PDIA6: variants seen among roughly 807,000 people sequenced by gnomAD.
The protein encoded by PDIA6 is protein disulfide-isomerase A6.
A neutral mutation model predicts 58.4 loss-of-function variants in PDIA6; 29 were observed. That is an observed-to-expected ratio of 0.50 (90% CI 0.37 to 0.68). The LOEUF is 0.68. Among genes scored for constraint, PDIA6 ranks in the 30% least tolerant of loss-of-function variants. The pLI, the probability that PDIA6 is intolerant of heterozygous loss-of-function variation, is 0.00. For synonymous variants in PDIA6, 192 were observed against 202.6 expected (o/e 0.95, Z 0.44); for missense variants, 480 against 551.0 (o/e 0.87, Z 1.29).
At chr2:10,793,280 C>CT in intron 4 of PDIA6, 78 bp from the exon 5 acceptor site, 1 of 894,926 alleles carries the variant, frequency 1.1e-6, no homozygotes, top group Non-Finnish European at 1.9e-6. Flanking sequence ...AAGACTGTGT[C>CT]TTTACCTCAC....
At chr2:10,830,132 C>T (rs760588119) in intron 1 of PDIA6, among the ~76,000 whole-genome samples, 4 of 152,236 alleles carry the variant, frequency 2.6e-5, no homozygotes, top group Non-Finnish European at 4.4e-5. Flanking sequence ...TCCTGCTCCA[C>T]ACTGCCTCCT....
intron 2 of PDIA6, among the ~76,000 whole-genome samples, chr2:10,798,492 C>G (rs947570465): frequency 6.7e-6 from 1 of 149,644 alleles, no homozygotes; most frequent in Non-Finnish European, 1.5e-5. Context: ...CGCTTGAACT[C>G]GGGAAACGGA....
In PDIA6 at chr2:10,783,425, A is replaced by G. The variant is rs932825437; in HGVS notation, c.*833T>C. 5.8e-6 allele frequency: 3 copies of G among 514,514 alleles called. No individual in the cohort carries two copies. Among genetic ancestry groups the G allele is most frequent in the African/African-American group, 3.9e-5 (2 of 51,192 alleles). 31.9% of individuals were successfully genotyped at this position (514,514 alleles called of 1,614,324 possible). ...GTTGTATTTATTTTTTTAAGTTACA[A>G]TAAAATGCTCTCAAGTCCTTTGAAT... is the stretch of plus-strand genomic sequence containing the variant. On this transcript the variant is annotated 3_prime_UTR_variant, in exon 13 of 13. Coordinates refer to ENST00000272227, the MANE Select transcript of PDIA6 (RefSeq NM_005742.4).
rs866405620 is a variant in PDIA6, at chr2:10,790,706, T to C, written c.699+13A>G. ...GTATTTCACAATGAAATGAGCCTTA[T>C]AAGTATACTCACCCCGTATCGGGAG... On this transcript the variant is annotated intron_variant, in intron 7 of 12. Coordinates refer to ENST00000272227, the MANE Select transcript of PDIA6 (RefSeq NM_005742.4). 1 of 1,567,232 alleles carries C rather than the reference T, an allele frequency of 6.4e-7. No individual in the cohort carries two copies. Among genetic ancestry groups the C allele is most frequent in the African/African-American group, 1.3e-5 (1 of 74,126 alleles).
chr2:10,822,406 G>T (rs953169730), intron 1 of PDIA6, among the ~76,000 whole-genome samples: 1 of 152,088 alleles, frequency 6.6e-6, no homozygotes, highest in Non-Finnish European at 1.5e-5. Flanking sequence ...GAGACTACAG[G>T]CGCCCGCCAC....
At chr2:10,796,166 G>A (rs1666258376) in intron 4 of PDIA6, among the ~76,000 whole-genome samples, 1 of 149,858 alleles carries the variant, frequency 6.7e-6, no homozygotes, top group African/African-American at 2.5e-5. Flanking sequence ...CCATTCTCCT[G>A]CCTCAGCCTC....
chr2:10,791,271 G>C (rs565452966), intron 6 of PDIA6, among the ~76,000 whole-genome samples: 1 of 151,480 alleles, frequency 6.6e-6, no homozygotes, highest in South Asian at 2.1e-4. Context: ...AACCTCCCAA[G>C]TAGCTGGGAC....
intron 2 of PDIA6, among the ~76,000 whole-genome samples, chr2:10,818,486 A>C (rs199629742): frequency 0.038 from 1,823 of 48,066 alleles, 53 homozygotes; most frequent in African/African-American, 0.13. Context: ...CATTTAATTT[A>C]TTTATTTATT....
At chr2:10,792,780 C>G (rs1222447559) in intron 5 of PDIA6, among the ~76,000 whole-genome samples, 1 of 152,172 alleles carries the variant, frequency 6.6e-6, no homozygotes, top group Non-Finnish European at 1.5e-5. Context: ...AGAGGAAAAC[C>G]CGTCCATCCC....
At chr2:10,820,871 T>TG in intron 1 of PDIA6, 1 of 702,874 alleles carries the variant, frequency 1.4e-6, no homozygotes, top group Non-Finnish European at 2.6e-6. Flanking sequence ...TCATGGATGC[T>TG]GGGGGTATCT....
chr2:10,809,638 C>A, intron 1 of PDIA6, among the ~76,000 whole-genome samples: 2 of 87,586 alleles, frequency 2.3e-5, no homozygotes, highest in African/African-American at 4.5e-5. Context: ...AGAGCAAGAC[C>A]CGGTCTCAAA....
chr2:10,812,582 G>T, intron 1 of PDIA6, 96 bp downstream of exon 1: 1 of 1,279,974 alleles, frequency 7.8e-7, no homozygotes. Context: ...ACTTCCGGCC[G>T]CCTGCGGCCG....
upstream of PDIA6, among the ~76,000 whole-genome samples, chr2:10,833,153 T>C (rs1200762943): frequency 2.0e-5 from 3 of 152,136 alleles, no homozygotes; most frequent in African/African-American, 4.8e-5. Flanking sequence ...AGGCTCTGTG[T>C]CAGGGACAGC....
upstream of PDIA6, among the ~76,000 whole-genome samples, chr2:10,835,458 C>T (rs548652423): frequency 1.1e-3 from 164 of 152,288 alleles, no homozygotes; most frequent in Admixed American, 1.1e-3. Context: ...GCCCAGTCCC[C>T]AGCCTGGAGG....
At chr2:10,795,528 G>C (rs1666229996) in intron 4 of PDIA6, among the ~76,000 whole-genome samples, 1 of 152,170 alleles carries the variant, frequency 6.6e-6, no homozygotes, top group South Asian at 2.1e-4. Flanking sequence ...CCAGCCTCGA[G>C]ATTTGCCAAC....
chr2:10,785,456 G>A (rs147090980), intron 11 of PDIA6, among the ~76,000 whole-genome samples: 29 of 152,274 alleles, frequency 1.9e-4, no homozygotes, highest in East Asian at 5.8e-4. Context: ...AGCGGGGTGC[G>A]TATGTGCATA....
intron 1 of PDIA6, among the ~76,000 whole-genome samples, chr2:10,809,460 T>C (rs1666903152): frequency 6.6e-6 from 1 of 151,974 alleles, no homozygotes; most frequent in African/African-American, 2.4e-5. Context: ...GTGGATAACC[T>C]GAGCCAGGAG....
At chr2:10,819,392 G>A (rs2148574541) in intron 1 of PDIA6, 1 of 1,220,816 alleles carries the variant, frequency 8.2e-7, no homozygotes, top group Non-Finnish European at 1.2e-6. Context: ...GTGAGGTGGG[G>A]ATGGGGAAAC....
intron 1 of PDIA6, among the ~76,000 whole-genome samples, chr2:10,825,268 CTCTCTCTCTGTCTCTCTCTCTG>C (rs55795121): frequency 0.32 from 18,622 of 58,794 alleles, 1,467 homozygotes; most frequent in Middle Eastern, 0.4. Flanking sequence ...CTCTCTCTGT[CTCTCTCTCTGTCTCTCTCTCTG>C]TCTCTCTCTC....
Sources: allele counts gnomAD v4.1 joint callset (sites outside exome capture counted in the v4.1 genomes callset), GRCh38; gene constraint gnomAD v4.1.1; transcripts MANE v1.5; gene names NCBI Gene and HGNC (gene_info 2026-07-23, HGNC 2026-07-21).